Variants in ZCCHC7 observed in about 807,000 individuals in gnomAD.
ZCCHC7 encodes the protein zinc finger CCHC domain-containing protein 7.
A neutral mutation model predicts 52.0 loss-of-function variants in ZCCHC7; 35 were observed. That is an observed-to-expected ratio of 0.67 (90% confidence interval 0.51 to 0.89). ZCCHC7 has a LOEUF of 0.89. ZCCHC7 is among the 40% of genes least tolerant of loss of function. The probability of loss-of-function intolerance (pLI) is 0.00; values close to 1 mark genes in which losing one functional copy is unlikely to be tolerated. For synonymous variants in ZCCHC7, 217 were observed against 221.5 expected (o/e 0.98, Z 0.18); for missense variants, 574 against 649.1 (o/e 0.88, Z 1.26).
At chr9:37,123,190 GGTGTGT>G (rs58690804) in intron 1 of ZCCHC7, among the ~76,000 whole-genome samples, 3,526 of 148,432 alleles carry the variant, frequency 0.024, 49 homozygotes, top group Non-Finnish European at 0.028. Flanking sequence ...CTGAGTCAAG[GGTGTGT>G]GTGTGTGTGT....
At chr9:37,178,959 T>G (rs1822204000) in intron 2 of ZCCHC7, among the ~76,000 whole-genome samples, 1 of 152,220 alleles carries the variant, frequency 6.6e-6, no homozygotes, top group African/African-American at 2.4e-5. Flanking sequence ...TGTCTCTTCT[T>G]GTTAAAGTGT....
At chr9:37,231,401 C>T (rs1046841616) in intron 2 of ZCCHC7, among the ~76,000 whole-genome samples, 7 of 152,104 alleles carry the variant, frequency 4.6e-5, no homozygotes, top group Admixed American at 4.6e-4. Context: ...TGGCGTATTA[C>T]TTATTAAATA....
intron 2 of ZCCHC7, among the ~76,000 whole-genome samples, chr9:37,131,209 G>A (rs1045261213): frequency 2.0e-5 from 3 of 151,318 alleles, no homozygotes; most frequent in Admixed American, 6.6e-5. Context: ...GTGTGGTGGC[G>A]GACGCCTGTA....
At chr9:37,285,645 A>G (rs1828172015) in intron 2 of ZCCHC7, among the ~76,000 whole-genome samples, 1 of 152,230 alleles carries the variant, frequency 6.6e-6, no homozygotes, top group Non-Finnish European at 1.5e-5. Context: ...CTATAAATCA[A>G]TCAATACTTA....
At chr9:37,170,380 C>G (rs1179117617) in intron 2 of ZCCHC7, among the ~76,000 whole-genome samples, 7 of 152,102 alleles carry the variant, frequency 4.6e-5, no homozygotes, top group Non-Finnish European at 8.8e-5. Flanking sequence ...TGTAAGCTAC[C>G]TAAGAGTAGC....
intron 2 of ZCCHC7, among the ~76,000 whole-genome samples, chr9:37,289,996 T>C (rs1444527577): frequency 6.6e-6 from 1 of 152,232 alleles, no homozygotes; most frequent in Admixed American, 6.5e-5. Flanking sequence ...TATGTAAAAT[T>C]ATAACCCGTA....
intron 2 of ZCCHC7, among the ~76,000 whole-genome samples, chr9:37,293,591 G>T (rs1444890599): frequency 6.6e-6 from 1 of 152,056 alleles, no homozygotes; most frequent in Non-Finnish European, 1.5e-5. Flanking sequence ...TGGGGAACAG[G>T]CATCCATAGT....
rs867791778 is a variant in ZCCHC7 at position 37,308,253 on chromosome 9, T to C, written c.951+2539T>C. Among the ~76,000 whole-genome samples the C allele has an allele frequency of 2.8e-4, 43 of 152,318 alleles. No homozygotes were observed. The Middle Eastern group carries it at 0.017, about 60-fold the overall frequency. The stretch of plus-strand genomic sequence containing the variant: ...CTTAAAAATGATAAATCCTGAATTG[T>C]CCTAGCATTATGTTGTTGTCTGCAT... On this transcript the variant is annotated intron_variant, in intron 5 of 8. Transcript: ENST00000336755.
chr9:37,273,826 G>GT (rs536872078), intron 2 of ZCCHC7, among the ~76,000 whole-genome samples: 7 of 148,486 alleles, frequency 4.7e-5, no homozygotes, highest in South Asian at 2.1e-4. Context: ...TTCCCTATGT[G>GT]TTTTTTTTCT....
intron 2 of ZCCHC7, among the ~76,000 whole-genome samples, chr9:37,236,625 A>G (rs1204733665): frequency 6.6e-6 from 1 of 151,680 alleles, no homozygotes; most frequent in African/African-American, 2.4e-5. Context: ...CGATCTTCTG[A>G]CCTCGTGATC....
chr9:37,176,083 G>GT (rs1227105953), intron 2 of ZCCHC7, among the ~76,000 whole-genome samples: 3 of 151,574 alleles, frequency 2.0e-5, no homozygotes, highest in African/African-American at 7.3e-5. Flanking sequence ...TGTTTGTTTT[G>GT]TTTTGTTTTT....
At chr9:37,249,302 C>T (rs961706164) in intron 2 of ZCCHC7, among the ~76,000 whole-genome samples, 3 of 152,076 alleles carry the variant, frequency 2.0e-5, no homozygotes, top group Admixed American at 2.0e-4. Context: ...GAACACAGTT[C>T]TTATTCTCAA....
chr9:37,349,521 A>C, intron 7 of ZCCHC7, 69 bp downstream of exon 7: 1 of 1,411,240 alleles, frequency 7.1e-7, no homozygotes, highest in Middle Eastern at 1.8e-4. Flanking sequence ...AGATGAACTC[A>C]AAAAGAATGT....
At chr9:37,123,532 G>C (rs1466371527) in intron 1 of ZCCHC7, among the ~76,000 whole-genome samples, 1 of 152,152 alleles carries the variant, frequency 6.6e-6, no homozygotes, top group African/African-American at 2.4e-5. Context: ...TTATGGTTCT[G>C]TAGTTTATTT....
chr9:37,200,832 C>T (rs1332267833), intron 2 of ZCCHC7, among the ~76,000 whole-genome samples: 3 of 152,250 alleles, frequency 2.0e-5, no homozygotes, highest in Non-Finnish European at 4.4e-5. Context: ...TTCCCTTCCC[C>T]TGTGACTCAT....
chr9:37,194,815 TACAA>T (rs1485514881), intron 2 of ZCCHC7, among the ~76,000 whole-genome samples: 1 of 152,190 alleles, frequency 6.6e-6, no homozygotes, highest in Non-Finnish European at 1.5e-5. Context: ...TAGCTGATAT[TACAA>T]ACAGTTATTA....
chr9:37,177,537 T>G (rs993030977), intron 2 of ZCCHC7, among the ~76,000 whole-genome samples: 42 of 152,064 alleles, frequency 2.8e-4, no homozygotes, highest in African/African-American at 9.7e-4. Context: ...AACTATCACT[T>G]TCAACAATGA....
chr9:37,330,667 A>G (rs898978511), intron 6 of ZCCHC7, among the ~76,000 whole-genome samples: 5 of 151,704 alleles, frequency 3.3e-5, no homozygotes, highest in African/African-American at 9.7e-5. Context: ...CTAAAATATA[A>G]CTTCTTGTAT....
chr9:37,125,001 A>G (rs1016096295), intron 1 of ZCCHC7, among the ~76,000 whole-genome samples: 1 of 152,068 alleles, frequency 6.6e-6, no homozygotes, highest in African/African-American at 2.4e-5. Flanking sequence ...ATAGGCGCAC[A>G]CCACCACACC....
Sources: gnomAD v4.1 joint callset for allele counts (sites outside exome capture counted in the v4.1 genomes callset) on GRCh38, gnomAD v4.1.1 for gene constraint, MANE v1.5 for transcripts, NCBI Gene and HGNC (gene_info 2026-07-23, HGNC 2026-07-21) for gene names.